The following ZMIZ1 variants were observed in gnomAD, a reference collection of about 807,000 sequenced individuals.
The protein encoded by ZMIZ1 is zinc finger MIZ-type containing 1.
A neutral mutation model predicts 113.9 loss-of-function variants in ZMIZ1; 17 were observed. That is an observed-to-expected ratio of 0.15 (90% confidence interval 0.10 to 0.22). The LOEUF is 0.22. ZMIZ1 is among the 10% of genes least tolerant of loss of function. The probability of loss-of-function intolerance (pLI) is 1.00; values close to 1 mark genes in which losing one functional copy is unlikely to be tolerated. For missense variants in ZMIZ1, 1,059 were observed against 1,477.8 expected (o/e 0.72, Z 4.65); for synonymous variants, 607 against 603.1 (o/e 1.01, Z -0.09).
At chr10:79,253,134 C>T (rs1013897111) in intron 7 of ZMIZ1, among the ~76,000 whole-genome samples, 1 of 152,150 alleles carries the variant, frequency 6.6e-6, no homozygotes, top group Non-Finnish European at 1.5e-5. Flanking sequence ...AGAAGTAGGG[C>T]TGAGCCTGTT....
chr10:79,174,386 G>T (rs1242810333), intron 4 of ZMIZ1, among the ~76,000 whole-genome samples: 1 of 152,226 alleles, frequency 6.6e-6, no homozygotes, highest in African/African-American at 2.4e-5. Flanking sequence ...GGCTCCAAAG[G>T]GATGAGTAGG....
chr10:79,198,207 G>T (rs945102647), intron 4 of ZMIZ1, among the ~76,000 whole-genome samples: 1 of 152,174 alleles, frequency 6.6e-6, no homozygotes, highest in East Asian at 1.9e-4. Context: ...TGCAGTGAGT[G>T]GAGATCACGC....
intron 6 of ZMIZ1, among the ~76,000 whole-genome samples, chr10:79,211,567 A>G (rs1589429524): frequency 6.6e-6 from 1 of 152,316 alleles, no homozygotes; most frequent in South Asian, 2.1e-4. Flanking sequence ...TAAATTAAAA[A>G]TCACTTAGCC....
chr10:79,235,146 C>A (rs1032537586), intron 7 of ZMIZ1, among the ~76,000 whole-genome samples: 2 of 152,248 alleles, frequency 1.3e-5, no homozygotes, highest in Non-Finnish European at 2.9e-5. Flanking sequence ...CCTGTCAGCT[C>A]ATGTCCAGAG....
At chr10:79,108,250 G>A (rs751941764) in intron 1 of ZMIZ1, among the ~76,000 whole-genome samples, 6 of 152,204 alleles carry the variant, frequency 3.9e-5, no homozygotes, top group Non-Finnish European at 8.8e-5. Flanking sequence ...GCCCTGGGAG[G>A]TCCCATTCCA....
At chr10:79,277,463 T>C (rs1253704033) in intron 8 of ZMIZ1, 138 bp downstream of exon 8, 2 of 1,147,322 alleles carry the variant, frequency 1.7e-6, no homozygotes, top group Non-Finnish European at 1.1e-6. Context: ...GTTGTTTTTT[T>C]ACATCTTCGT....
At position 79,277,201 on chromosome 10, in the gene ZMIZ1, G is replaced by C; in HGVS notation, c.301G>C (p.Glu101Gln). 6.4e-7 allele frequency: 1 copy of C among 1,558,974 alleles called. No homozygotes were observed. The highest frequency in any genetic ancestry group is 8.7e-7 in the Non-Finnish European group (1 of 1,152,842). ...TGCAGCCTTGTTGTCCTCCTGGTGC[G>C]AAGAGCTCGGCCGCCTGCTGCTGCT... ...KSAALLSSWC[E>Q]ELGRLLLLRH... The change falls in exon 8 of 25, where the codon GAA becomes CAA. Residue 101 changes from glutamate (E) to glutamine (Q), a missense_variant. Glu to Gln is a conservative substitution (Grantham distance 29). This residue lies in a region of ZMIZ1 where 272 missense variants were observed against 350.4 expected (regional missense o/e 0.78). Transcript: ENST00000334512.
chr10:79,086,444 G>A (rs530318972), intron 1 of ZMIZ1, among the ~76,000 whole-genome samples: 42 of 152,320 alleles, frequency 2.8e-4, no homozygotes, highest in South Asian at 8.3e-4. Context: ...TGGCCAGAAA[G>A]CCCATTTTTC....
At position 79,313,728 on chromosome 10, in the gene ZMIZ1, C is replaced by G. The variant is rs949014934; in HGVS notation, c.*979C>G. 3 of 297,424 alleles carry G rather than the reference C, an allele frequency of 1.0e-5. No homozygotes were observed. The highest frequency in any genetic ancestry group is 2.0e-5 in the Non-Finnish European group (3 of 150,234). 18.4% of individuals were successfully genotyped at this position (297,424 alleles called of 1,614,324 possible). A position where few individuals can be genotyped will look rare whatever the true frequency, so the allele number is the denominator to read the frequency against. On this transcript the variant is annotated 3_prime_UTR_variant, in exon 25 of 25. Transcript: ENST00000334512. ...GGAGAAAAGGAACGTTGCTCTTGGA[C>G]AGCAAGCAAACCATTTCTCTCCGTC...
intron 5 of ZMIZ1, among the ~76,000 whole-genome samples, chr10:79,204,995 G>GGATA (rs771434260): frequency 7.0e-6 from 1 of 143,700 alleles, no homozygotes; most frequent in Non-Finnish European, 1.6e-5. Context: ...ATGGATGGAT[G>GGATA]GATACACGCA....
intron 13 of ZMIZ1, among the ~76,000 whole-genome samples, chr10:79,297,253 T>C (rs1853960943): frequency 6.6e-6 from 1 of 152,106 alleles, no homozygotes; most frequent in Non-Finnish European, 1.5e-5. Context: ...GCCTTTCCTT[T>C]CCTTAGGATT....
At chr10:79,293,283 T>G in intron 11 of ZMIZ1, 98 bp from the exon 12 acceptor site, 18 of 1,378,198 alleles carry the variant, frequency 1.3e-5, no homozygotes, top group Non-Finnish European at 1.5e-5. Flanking sequence ...TCCCCACTCC[T>G]CCACCTCCCC....
chr10:79,252,483 A>G (rs1036639092), intron 7 of ZMIZ1, among the ~76,000 whole-genome samples: 2 of 151,892 alleles, frequency 1.3e-5, no homozygotes, highest in African/African-American at 4.8e-5. Context: ...TCTTACCTAA[A>G]TAGAAACCAG....
rs1855401630 is a variant in ZMIZ1, at chr10:79,314,346, T to C, written c.*1597T>C. 2.3e-6 allele frequency: 1 copy of C among 434,992 alleles called. No individual in the cohort carries two copies. The highest frequency in any genetic ancestry group is 4.7e-6 in the Non-Finnish European group (1 of 214,760). The allele number at this position is 434,992 out of a possible 1,614,324, so 26.9% of individuals were successfully genotyped here. On this transcript the variant is annotated 3_prime_UTR_variant, in exon 25 of 25. Transcript: ENST00000334512. Reference sequence around the variant, plus strand: ...CCTGGGGCCCTTTCCTGCTCTCCCGTCCGCTGTGGGTGGTCCCCAGCTCTC... The same window carrying C: ...CCTGGGGCCCTTTCCTGCTCTCCCGCCCGCTGTGGGTGGTCCCCAGCTCTC...
At chr10:79,120,210 G>C (rs1319263566) in intron 2 of ZMIZ1, among the ~76,000 whole-genome samples, 1 of 152,194 alleles carries the variant, frequency 6.6e-6, no homozygotes, top group African/African-American at 2.4e-5. Context: ...CCTCACAAAC[G>C]TGTACACAGA....
chr10:79,304,007 C>G lies in ZMIZ1; in HGVS notation c.2126-8C>G. 6.2e-7 allele frequency: 1 copy of G among 1,613,828 alleles called. No individual in the cohort carries two copies. The highest frequency in any genetic ancestry group is 1.1e-5 in the South Asian group (1 of 91,046). On this transcript the variant is annotated splice_polypyrimidine_tract_variant and splice_region_variant and intron_variant, in intron 18 of 24. Coordinates refer to ENST00000334512, the MANE Select transcript of ZMIZ1 (RefSeq NM_020338.4). ...CATCCTCACCTGTCTGTGCCTCCTG[C>G]CCCGCAGTCAAGCGGAATTTCAGCA... is the stretch of plus-strand genomic sequence containing the variant.
rs188909293 is a variant in ZMIZ1 at position 79,132,529 on chromosome 10, G to T, written c.-226-7153G>T. Among the ~76,000 whole-genome samples the T allele has an allele frequency of 3.5e-4, 54 of 152,328 alleles. No homozygotes were observed. In the East Asian group the frequency reaches 0.01, roughly 29 times the overall value. On this transcript the variant is annotated intron_variant, in intron 2 of 24. Coordinates refer to ENST00000334512, the MANE Select transcript of ZMIZ1 (RefSeq NM_020338.4). ...CCCCACCTAAATTCCTAAAAGTTTG[G>T]ACAACCCATGCCCGTAAAAGTATAC...
intron 2 of ZMIZ1, among the ~76,000 whole-genome samples, chr10:79,128,258 T>G (rs1302274005): frequency 6.6e-6 from 1 of 152,184 alleles, no homozygotes; most frequent in Non-Finnish European, 1.5e-5. Flanking sequence ...GAGAGGGGGC[T>G]CTGCCCTCCT....
chr10:79,225,387 C>T (rs1386957595), intron 7 of ZMIZ1, among the ~76,000 whole-genome samples: 1 of 152,080 alleles, frequency 6.6e-6, no homozygotes, highest in Non-Finnish European at 1.5e-5. Flanking sequence ...AGTTTAGCTA[C>T]AGGTGACTGC....
Sources: allele counts gnomAD v4.1 joint callset (sites outside exome capture counted in the v4.1 genomes callset), GRCh38; gene constraint gnomAD v4.1.1; regional missense constraint gnomAD v4.1.1; transcripts MANE v1.5; gene names NCBI Gene and HGNC (gene_info 2026-07-23, HGNC 2026-07-21).